LRRC4C: variants seen among roughly 807,000 people sequenced by gnomAD.
LRRC4C encodes leucine rich repeat containing 4C.
In LRRC4C, 5 loss-of-function variants were observed where a neutral mutation model predicts 33.6. The ratio of observed to expected loss-of-function variants is 0.15; its 90% CI spans 0.08 to 0.31. The LOEUF (loss-of-function observed/expected upper bound fraction) is 0.31, where lower values mean the gene tolerates loss of function less well. Ranked by LOEUF, LRRC4C falls within the 10% of genes least tolerant of loss-of-function variation. LRRC4C has a pLI of 1.00. For synonymous variants in LRRC4C, 329 were observed against 302.0 expected (o/e 1.09, Z -0.93); for missense variants, 560 against 796.7 (o/e 0.70, Z 3.58).
intron 1 of LRRC4C, among the ~76,000 whole-genome samples, chr11:41,429,401 A>T (rs1388818426): frequency 6.6e-6 from 1 of 152,184 alleles, no homozygotes; most frequent in Non-Finnish European, 1.5e-5. Flanking sequence ...TAAACTATGA[A>T]AACTTTTCAT....
At chr11:41,079,281 A>C (rs925094624) in intron 1 of LRRC4C, among the ~76,000 whole-genome samples, 7 of 152,132 alleles carry the variant, frequency 4.6e-5, no homozygotes, top group African/African-American at 1.7e-4. Flanking sequence ...TTGGTAGGAG[A>C]CTTGATCATA....
intron 2 of LRRC4C, among the ~76,000 whole-genome samples, chr11:40,667,298 T>A (rs903382127): frequency 6.6e-6 from 1 of 152,206 alleles, no homozygotes; most frequent in Non-Finnish European, 1.5e-5. Context: ...CTCTGAATGT[T>A]ATATATGAAT....
In LRRC4C at chr11:40,114,510, G is replaced by A; in HGVS notation, c.1783C>T (p.Leu595=). The A allele has an allele frequency of 6.2e-7, 1 of 1,614,102 alleles. No individual in the cohort carries two copies. The highest frequency in any genetic ancestry group is 8.5e-7 in the Non-Finnish European group (1 of 1,180,012). ...LPMPAIEHEH[L]NHYNSYKSPF... ...GATTTGTATGAGTTATAGTGATTTA[G>A]GTGCTCATGCTCGATAGCAGGCATG... Residue 595 remains leucine (L), a synonymous_variant, in exon 7 of 7, where the codon CTA becomes TTA. Coordinates refer to ENST00000528697, the MANE Select transcript of LRRC4C (RefSeq NM_001258419.2).
chr11:41,143,113 G>T (rs940762000), intron 1 of LRRC4C, among the ~76,000 whole-genome samples: 1 of 151,830 alleles, frequency 6.6e-6, no homozygotes, highest in African/African-American at 2.4e-5. Context: ...AATAAAGAAG[G>T]GTGTCCTTCT....
At chr11:40,399,071 A>G (rs1565350112) in intron 3 of LRRC4C, among the ~76,000 whole-genome samples, 2 of 152,248 alleles carry the variant, frequency 1.3e-5, no homozygotes, top group South Asian at 4.1e-4. Context: ...AGAATCATAC[A>G]CTTAGAATGA....
chr11:41,240,626 G>A (rs747741117), intron 1 of LRRC4C, among the ~76,000 whole-genome samples: 1 of 152,124 alleles, frequency 6.6e-6, no homozygotes, highest in Non-Finnish European at 1.5e-5. Flanking sequence ...CTAAGCCACC[G>A]TTTTGCATAA....
At chr11:40,574,525 A>G (rs1248545244) in intron 3 of LRRC4C, among the ~76,000 whole-genome samples, 1 of 152,214 alleles carries the variant, frequency 6.6e-6, no homozygotes, top group East Asian at 1.9e-4. Flanking sequence ...GAACATTAGT[A>G]CAAATGCAGA....
intron 3 of LRRC4C, among the ~76,000 whole-genome samples, chr11:40,568,922 A>G (rs997977081): frequency 1.1e-4 from 17 of 152,306 alleles, no homozygotes; most frequent in African/African-American, 4.1e-4. Flanking sequence ...AAGGTGGTGC[A>G]TGATCATATT....
At position 41,151,846 on chromosome 11, in the gene LRRC4C, T is replaced by C. The variant is rs141866491; in HGVS notation, c.-495-218123A>G. ...GTTATTCTAATAGCTAAAATTAATT[T>C]AATAAAATACTTAGAAAAGTTATTT... is the stretch of plus-strand genomic sequence containing the variant. On this transcript the variant is annotated intron_variant, in intron 1 of 6. Transcript: ENST00000528697. 2.0e-4 allele frequency among the ~76,000 whole-genome samples: 30 copies of C among 152,356 alleles called. No individual in the cohort carries two copies. The East Asian group carries it at 5.2e-3, about 26-fold the overall frequency.
intron 4 of LRRC4C, among the ~76,000 whole-genome samples, chr11:40,275,232 C>T (rs1171192124): frequency 6.6e-6 from 1 of 152,104 alleles, no homozygotes; most frequent in Non-Finnish European, 1.5e-5. Flanking sequence ...TTGCAAGATT[C>T]ACCATTACAC....
intron 1 of LRRC4C, among the ~76,000 whole-genome samples, chr11:41,281,647 A>C (rs533100638): frequency 6.6e-6 from 1 of 152,330 alleles, no homozygotes; most frequent in East Asian, 1.9e-4. Context: ...ACAATGCCTA[A>C]GGTTCATGCC....
intron 1 of LRRC4C, among the ~76,000 whole-genome samples, chr11:41,172,884 A>G (rs188396765): frequency 6.6e-6 from 1 of 152,282 alleles, no homozygotes; most frequent in East Asian, 1.9e-4. Flanking sequence ...AGATACAGAA[A>G]TGGAAGGGGC....
At chr11:41,219,458 C>A (rs1156310653) in intron 1 of LRRC4C, among the ~76,000 whole-genome samples, 1 of 152,190 alleles carries the variant, frequency 6.6e-6, no homozygotes, top group Non-Finnish European at 1.5e-5. Context: ...CGGAAGACTG[C>A]CTTCAACTAA....
chr11:40,588,352 T>G (rs553063646), intron 3 of LRRC4C, among the ~76,000 whole-genome samples: 15 of 152,318 alleles, frequency 9.8e-5, no homozygotes, highest in African/African-American at 3.6e-4. Context: ...TTGCGTCTAT[T>G]TGATTATTCT....
At chr11:40,897,081 G>T (rs1955982004) in intron 2 of LRRC4C, among the ~76,000 whole-genome samples, 1 of 152,138 alleles carries the variant, frequency 6.6e-6, no homozygotes, top group Admixed American at 6.5e-5. Flanking sequence ...AGAGAAATTT[G>T]CAATGACTAT....
At chr11:40,186,370 G>A (rs2135560849) in intron 5 of LRRC4C, among the ~76,000 whole-genome samples, 1 of 152,254 alleles carries the variant, frequency 6.6e-6, no homozygotes, top group East Asian at 1.9e-4. Flanking sequence ...CCAGGAAGAA[G>A]ACCGAGACAG....
At chr11:40,315,671 C>A (rs1945540977) in intron 4 of LRRC4C, among the ~76,000 whole-genome samples, 1 of 151,852 alleles carries the variant, frequency 6.6e-6, no homozygotes, top group Non-Finnish European at 1.5e-5. Context: ...GCTTACAATA[C>A]TCTAATGATC....
Position 40,129,162 on chromosome 11 carries a change from C to T in LRRC4C, c.-43+11639G>A, listed in dbSNP as rs76310593. On this transcript the variant is annotated intron_variant, in intron 6 of 6. Transcript: ENST00000528697. ...AAACTCATTAAGTCAAGGCTGTAAA[C>T]GCACTAAGGACCCATAGGATGTCAT... is the stretch of plus-strand genomic sequence containing the variant. Among the ~76,000 whole-genome samples, 1,174 of 152,210 alleles carry T rather than the reference C, an allele frequency of 7.7e-3. 10 individuals carry two copies. The highest frequency in any genetic ancestry group is 0.027 in the African/African-American group (1,122 of 41,536).
chr11:40,441,201 T>C (rs10837412), intron 3 of LRRC4C, among the ~76,000 whole-genome samples: 2 of 151,818 alleles, frequency 1.3e-5, no homozygotes, highest in Non-Finnish European at 2.9e-5. Context: ...TACTGGTGAG[T>C]GTTGAACACA....
Sources: allele counts gnomAD v4.1 joint callset (sites outside exome capture counted in the v4.1 genomes callset), GRCh38; gene constraint gnomAD v4.1.1; transcripts MANE v1.5; gene names NCBI Gene and HGNC (gene_info 2026-07-23, HGNC 2026-07-21).